Variants in ERBB4 observed in about 807,000 individuals in gnomAD.
ERBB4 encodes receptor tyrosine-protein kinase erbB-4.
Under a neutral mutation model 158.0 loss-of-function variants are expected in ERBB4, and 42 were observed. That is an observed-to-expected ratio of 0.27 (90% CI 0.21 to 0.34). ERBB4 has a LOEUF of 0.34. ERBB4 is among the 10% of genes least tolerant of loss of function. The pLI, the probability that ERBB4 is intolerant of heterozygous loss-of-function variation, is 1.00. For synonymous variants in ERBB4, 583 were observed against 558.7 expected, an observed-to-expected ratio of 1.04 and a Z score of -0.61; for missense variants, 1,333 against 1,624.1, an observed-to-expected ratio of 0.82 and a Z score of 3.08.
chr2:212,373,197 G>C (rs2106388997), intron 1 of ERBB4, among the ~76,000 whole-genome samples: 1 of 152,122 alleles, frequency 6.6e-6, no homozygotes, highest in South Asian at 2.1e-4. Flanking sequence ...GCCCAAGAAA[G>C]TAGCATTATA....
intron 16 of ERBB4, among the ~76,000 whole-genome samples, chr2:211,645,932 C>T (rs1311653422): frequency 6.6e-6 from 1 of 151,502 alleles, no homozygotes; most frequent in African/African-American, 2.4e-5. Flanking sequence ...GATACACACA[C>T]ATATATATGT....
At chr2:211,988,554 C>T (rs768350070) in intron 2 of ERBB4, among the ~76,000 whole-genome samples, 8 of 152,060 alleles carry the variant, frequency 5.3e-5, no homozygotes, top group Admixed American at 1.3e-4. Context: ...CCTTTGCCCA[C>T]ATCTAGGCTC....
intron 3 of ERBB4, among the ~76,000 whole-genome samples, chr2:211,941,492 G>T (rs1162232933): frequency 6.6e-6 from 1 of 151,996 alleles, no homozygotes; most frequent in Non-Finnish European, 1.5e-5. Context: ...CAAGACAAAT[G>T]TCAGGGCCAA....
intron 25 of ERBB4, among the ~76,000 whole-genome samples, chr2:211,392,032 A>G (rs957641724): frequency 6.6e-6 from 1 of 152,162 alleles, no homozygotes; most frequent in African/African-American, 2.4e-5. Flanking sequence ...GACTAAAATA[A>G]AATGTCTCTG....
chr2:211,854,077 T>C (rs1402144659), intron 3 of ERBB4, among the ~76,000 whole-genome samples: 2 of 152,142 alleles, frequency 1.3e-5, no homozygotes, highest in Non-Finnish European at 2.9e-5. Context: ...GGTGTTTGAA[T>C]TTTCTCAAAT....
intron 20 of ERBB4, among the ~76,000 whole-genome samples, chr2:211,520,404 TG>T (rs2125636662): frequency 6.6e-6 from 1 of 152,182 alleles, no homozygotes; most frequent in East Asian, 1.9e-4. Context: ...ATGTAAAACA[TG>T]GGTTGGCAAA....
At chr2:212,218,271 T>A (rs1559770554) in intron 1 of ERBB4, among the ~76,000 whole-genome samples, 1 of 151,368 alleles carries the variant, frequency 6.6e-6, no homozygotes, top group Non-Finnish European at 1.5e-5. Context: ...ACAAATTAAA[T>A]TTTTTCTATC....
chr2:211,819,067 A>G (rs2076937036), intron 3 of ERBB4, among the ~76,000 whole-genome samples: 1 of 152,090 alleles, frequency 6.6e-6, no homozygotes, highest in Admixed American at 6.6e-5. Flanking sequence ...ACAAGATAAA[A>G]CCCAAATAAT....
chr2:211,613,947 T>C (rs534937664), intron 19 of ERBB4, among the ~76,000 whole-genome samples: 2 of 152,172 alleles, frequency 1.3e-5, no homozygotes, highest in East Asian at 1.9e-4. Flanking sequence ...GAAATCAATA[T>C]ATCAAAGAGA....
At chr2:211,849,363 T>C (rs16847033) in intron 3 of ERBB4, among the ~76,000 whole-genome samples, 53,797 of 151,800 alleles carry the variant, frequency 0.35, 11,520 homozygotes, top group Admixed American at 0.48. Flanking sequence ...TTTGTACTTT[T>C]ATTGTATATG....
intron 3 of ERBB4, among the ~76,000 whole-genome samples, chr2:211,808,831 A>G (rs1003725192): frequency 1.3e-5 from 2 of 152,132 alleles, no homozygotes; most frequent in Admixed American, 1.3e-4. Context: ...TTCTCCTTGA[A>G]GAGTCTTTCA....
chr2:211,416,127 A>G (rs189300549), intron 25 of ERBB4, among the ~76,000 whole-genome samples: 4 of 152,310 alleles, frequency 2.6e-5, no homozygotes, highest in African/African-American at 9.6e-5. Context: ...AATTGAAACT[A>G]TGTCTTCCTC....
At chr2:212,112,868 A>G (rs1336117358) in intron 2 of ERBB4, among the ~76,000 whole-genome samples, 1 of 152,214 alleles carries the variant, frequency 6.6e-6, no homozygotes, top group Non-Finnish European at 1.5e-5. Flanking sequence ...TAATTCCAGT[A>G]TAACAAAATT....
At chr2:212,039,797 T>G (rs924292425) in intron 2 of ERBB4, among the ~76,000 whole-genome samples, 2 of 152,016 alleles carry the variant, frequency 1.3e-5, no homozygotes, top group East Asian at 1.9e-4. Context: ...AGCCTGTGCT[T>G]CTTCTCCTAG....
At chr2:212,258,946 A>T (rs1258820831) in intron 1 of ERBB4, among the ~76,000 whole-genome samples, 3 of 152,132 alleles carry the variant, frequency 2.0e-5, no homozygotes, top group Non-Finnish European at 4.4e-5. Flanking sequence ...CAAGAAACAA[A>T]ATAGGATAAA....
chr2:211,987,006 G>A (rs1372837273), intron 2 of ERBB4, among the ~76,000 whole-genome samples: 1 of 152,060 alleles, frequency 6.6e-6, no homozygotes, highest in Non-Finnish European at 1.5e-5. Context: ...TAAGATACTA[G>A]TTCCAGTCAT....
At chr2:211,657,989 A>G in intron 15 of ERBB4, 161 bp from the exon 16 acceptor site, 1 of 1,599,418 alleles carries the variant, frequency 6.3e-7, no homozygotes, top group Middle Eastern at 1.7e-4. Context: ...ACTTGAGCCT[A>G]TGCACCTGCA....
intron 3 of ERBB4, among the ~76,000 whole-genome samples, chr2:211,874,732 T>C (rs1016773158): frequency 6.6e-6 from 1 of 152,112 alleles, no homozygotes; most frequent in African/African-American, 2.4e-5. Flanking sequence ...GCAACAGAGA[T>C]TCCTCTTCAG....
chr2:212,401,293 C>G (rs7576201), intron 1 of ERBB4, among the ~76,000 whole-genome samples: 4,556 of 152,096 alleles, frequency 0.03, 210 homozygotes, highest in African/African-American at 0.1. Flanking sequence ...CCATGACTTC[C>G]TTACAGAGTT....
Sources: allele counts gnomAD v4.1 joint callset (sites outside exome capture counted in the v4.1 genomes callset), GRCh38; gene constraint gnomAD v4.1.1; transcripts MANE v1.5; gene names NCBI Gene and HGNC (gene_info 2026-07-23, HGNC 2026-07-21).